FAT3: variants seen among roughly 807,000 people sequenced by gnomAD.
FAT3 encodes the protein FAT atypical cadherin 3, also known as protocadherin Fat 3.
In FAT3, 95 loss-of-function variants were observed where a neutral mutation model predicts 310.2. That is an observed-to-expected ratio of 0.31 (90% CI 0.26 to 0.36). The LOEUF (loss-of-function observed/expected upper bound fraction) is 0.36, where lower values mean the gene tolerates loss of function less well. Among genes scored for constraint, FAT3 ranks in the 10% least tolerant of loss-of-function variants. The pLI is 1.00. For synonymous variants in FAT3, 2,314 were observed against 2,192.9 expected (o/e 1.06, Z -1.54); for missense variants, 5,408 against 5,715.6 (o/e 0.95, Z 1.74).
chr11:92,499,900 T>C lies in FAT3; in HGVS notation c.3293-24734T>C, dbSNP rs138888240. Among the ~76,000 whole-genome samples the C allele has an allele frequency of 1.1e-3, 166 of 152,150 alleles. 1 individual carries two copies. Among genetic ancestry groups the C allele is most frequent in the African/African-American group, 3.8e-3 (157 of 41,530 alleles). ...GAAGAGACTGTAACAGCATCAGAGC[T>C]TGGAGTATTAATTCTCAGGGTATCC... is the stretch of plus-strand genomic sequence containing the variant. On this transcript the variant is annotated intron_variant, in intron 2 of 27. Transcript: ENST00000525166.
chr11:92,891,156 T>C lies in FAT3; in HGVS notation c.*43T>C. ...CTTCACCCTGTTTGTTACAGAAAAG[T>C]GGAAGCAGATTGGCTGGGCTTCTGT... On this transcript the variant is annotated 3_prime_UTR_variant, in exon 28 of 28. Transcript: ENST00000525166. The C allele has an allele frequency of 6.3e-7, 1 of 1,594,240 alleles. No homozygotes were observed. The highest frequency in any genetic ancestry group is 8.5e-7 in the Non-Finnish European group (1 of 1,170,018).
intron 1 of FAT3, among the ~76,000 whole-genome samples, chr11:92,234,298 A>G (rs960862177): frequency 2.0e-5 from 3 of 152,226 alleles, no homozygotes; most frequent in Admixed American, 2.0e-4. Context: ...TACATATTGG[A>G]AATACGTTTT....
chr11:92,231,952 A>G (rs1300512999), intron 1 of FAT3, among the ~76,000 whole-genome samples: 2 of 152,062 alleles, frequency 1.3e-5, no homozygotes, highest in East Asian at 3.9e-4. Context: ...TTGATTTTTT[A>G]AGTCTATGTG....
chr11:92,558,844 G>A (rs1955115394), intron 3 of FAT3, among the ~76,000 whole-genome samples: 1 of 152,088 alleles, frequency 6.6e-6, no homozygotes, highest in Non-Finnish European at 1.5e-5. Flanking sequence ...CCCATTCAAT[G>A]TGGGTCAAGG....
intron 3 of FAT3, among the ~76,000 whole-genome samples, chr11:92,596,444 GA>G (rs1280639394): frequency 3.3e-5 from 5 of 152,146 alleles, no homozygotes; most frequent in Non-Finnish European, 7.4e-5. Flanking sequence ...GTACTCTGGT[GA>G]AGGTCTCTTT....
chr11:92,812,886 C>T (rs970462708), intron 13 of FAT3, among the ~76,000 whole-genome samples: 4 of 152,158 alleles, frequency 2.6e-5, no homozygotes, highest in Non-Finnish European at 5.9e-5. Flanking sequence ...CCATAATCCC[C>T]ATGTGTCGTG....
At chr11:92,470,354 T>A (rs948884003) in intron 2 of FAT3, among the ~76,000 whole-genome samples, 19 of 152,258 alleles carry the variant, frequency 1.2e-4, no homozygotes, top group Admixed American at 4.6e-4. Flanking sequence ...CCACCATCAG[T>A]TATATAATGT....
intron 2 of FAT3, among the ~76,000 whole-genome samples, chr11:92,465,156 A>T (rs1951729540): frequency 6.6e-6 from 1 of 152,180 alleles, no homozygotes; most frequent in Non-Finnish European, 1.5e-5. Flanking sequence ...TTGCAGTATT[A>T]CTGTGGACAG....
At chr11:92,685,680 G>A (rs1032195184) in intron 3 of FAT3, among the ~76,000 whole-genome samples, 3 of 151,702 alleles carry the variant, frequency 2.0e-5, no homozygotes, top group Non-Finnish European at 2.9e-5. Flanking sequence ...CAGGCCCTGT[G>A]CTAAGCACAA....
chr11:92,840,517 A>C, intron 17 of FAT3, 45 bp from the exon 18 acceptor site: 1 of 1,455,378 alleles, frequency 6.9e-7, no homozygotes, highest in Non-Finnish European at 9.2e-7. Context: ...TGTGAAGAGA[A>C]GTGTAATTTT....
intron 2 of FAT3, among the ~76,000 whole-genome samples, chr11:92,461,224 T>C (rs1233595263): frequency 6.6e-6 from 1 of 152,156 alleles, no homozygotes; most frequent in Non-Finnish European, 1.5e-5. Context: ...TGCATTTCTC[T>C]GTGGATGAGA....
chr11:92,320,675 C>T (rs1947590983), intron 1 of FAT3, among the ~76,000 whole-genome samples: 1 of 151,960 alleles, frequency 6.6e-6, no homozygotes, highest in Non-Finnish European at 1.5e-5. Context: ...TGAGACCAGC[C>T]TGACCAACAT....
At chr11:92,363,851 C>T (rs1416200955) in intron 2 of FAT3, among the ~76,000 whole-genome samples, 1 of 152,172 alleles carries the variant, frequency 6.6e-6, no homozygotes, top group Admixed American at 6.5e-5. Flanking sequence ...GAGTCCTGAA[C>T]ACTCCACAAC....
intron 1 of FAT3, among the ~76,000 whole-genome samples, chr11:92,322,789 A>G (rs1947656279): frequency 2.0e-5 from 3 of 152,152 alleles, no homozygotes; most frequent in African/African-American, 7.2e-5. Context: ...TTCAGGTTCC[A>G]CTTGTGATTC....
Position 92,833,357 on chromosome 11 carries a change from G to A in FAT3, c.9871+1346G>A, listed in dbSNP as rs577668274. Among the ~76,000 whole-genome samples the A allele has an allele frequency of 7.2e-5, 11 of 152,280 alleles. No homozygotes were observed. The East Asian group carries it at 1.7e-3, about 24-fold the overall frequency. On this transcript the variant is annotated intron_variant, in intron 14 of 27. Transcript: ENST00000525166. ...TGCACCTGTTGAACAAGGTGGCAAA[G>A]GAGGTCCATTTTCCTTTGGGTAGTC...
intron 1 of FAT3, among the ~76,000 whole-genome samples, chr11:92,298,386 A>G (rs1310517769): frequency 6.6e-6 from 1 of 152,122 alleles, no homozygotes; most frequent in Admixed American, 6.6e-5. Flanking sequence ...CATGGGTCCC[A>G]TTCCTTTGGA....
intron 12 of FAT3, 77 bp from the exon 13 acceptor site, chr11:92,809,766 A>G (rs1947617453): frequency 9.3e-7 from 1 of 1,079,038 alleles, no homozygotes; most frequent in South Asian, 1.5e-5. Flanking sequence ...AATTGTTTGT[A>G]TAATTGGTCC....
chr11:92,447,115 TC>T (rs1951230839), intron 2 of FAT3, among the ~76,000 whole-genome samples: 1 of 151,784 alleles, frequency 6.6e-6, no homozygotes, highest in Non-Finnish European at 1.5e-5. Flanking sequence ...TTATTAAATA[TC>T]CTCTAAGTAA....
At chr11:92,789,036 A>G (rs1410087516) in intron 7 of FAT3, among the ~76,000 whole-genome samples, 2 of 152,210 alleles carry the variant, frequency 1.3e-5, no homozygotes, top group African/African-American at 4.8e-5. Flanking sequence ...AACAAACAAA[A>G]CATACTTAAA....
Sources: gnomAD v4.1 joint callset for allele counts (sites outside exome capture counted in the v4.1 genomes callset) on GRCh38, gnomAD v4.1.1 for gene constraint, MANE v1.5 for transcripts, NCBI Gene and HGNC (gene_info 2026-07-23, HGNC 2026-07-21) for gene names.